The following METTL5 variants were observed in gnomAD, a reference collection of about 807,000 sequenced individuals.
The protein encoded by METTL5 is rRNA N(6)-adenosine-methyltransferase METTL5.
In METTL5, 28 loss-of-function variants were observed where a neutral mutation model predicts 26.5. The ratio of observed to expected loss-of-function variants is 1.06; its 90% CI spans 0.78 to 1.45. METTL5 has a LOEUF of 1.45. METTL5 is among the 40% of genes most tolerant of loss of function. The probability of loss-of-function intolerance (pLI) is 0.00; values close to 1 mark genes in which losing one functional copy is unlikely to be tolerated. For synonymous variants in METTL5, 86 were observed against 82.6 expected, an observed-to-expected ratio of 1.04 and a Z score of -0.22; for missense variants, 231 against 249.9, an observed-to-expected ratio of 0.92 and a Z score of 0.51.
chr2:169,822,645 G>A (rs2105723812), intron 1 of METTL5, among the ~76,000 whole-genome samples: 1 of 150,986 alleles, frequency 6.6e-6, no homozygotes, highest in East Asian at 1.9e-4. Flanking sequence ...TGCCCACGCT[G>A]CTCTCGAACT....
intron 5 of METTL5, chr2:169,812,948 T>G (rs1690021722): frequency 6.4e-6 from 1 of 155,176 alleles, no homozygotes; most frequent in Admixed American, 6.5e-5. Flanking sequence ...TATTTCTTCC[T>G]TCTAAAGAAT....
chr2:169,818,507 T>C (rs184121677), intron 4 of METTL5, among the ~76,000 whole-genome samples: 74 of 152,326 alleles, frequency 4.9e-4, no homozygotes, highest in Admixed American at 1.6e-3. Context: ...TTTGCTTTCA[T>C]ATATAGTGAG....
Position 169,811,860 on chromosome 2 carries a change from T to A in METTL5, c.592-2A>T. ...AATTAGGTCCACTTCAATGTCCACCTGTGAGAAAGGAAAAATTTTTTTGTT... is the reference window on the plus strand; with the variant it reads ...AATTAGGTCCACTTCAATGTCCACCAGTGAGAAAGGAAAAATTTTTTTGTT... On this transcript the variant is annotated splice_acceptor_variant, in intron 6 of 6. Transcript: ENST00000260953. LOFTEE classifies it high-confidence loss of function. The A allele has an allele frequency of 6.2e-7, 1 of 1,612,010 alleles. No homozygotes were observed. The highest frequency in any genetic ancestry group is 1.3e-5 in the African/African-American group (1 of 74,962).
At chr2:169,812,205 G>A (rs2105707673) in intron 6 of METTL5, 2 of 606,454 alleles carry the variant, frequency 3.3e-6, no homozygotes, top group South Asian at 2.1e-5. Flanking sequence ...AGGAAAGTTG[G>A]TAACACTAGA....
rs370028480 is a variant in METTL5, at chr2:169,822,095, G to A, written c.110-38C>T. ...AAAAAAAAGAATAAGTAAGCAAGCC[G>A]GTGACTAAAATCTAATTTGTGCAAA... On this transcript the variant is annotated intron_variant, in intron 1 of 6. Coordinates refer to ENST00000260953, the MANE Select transcript of METTL5 (RefSeq NM_014168.4). 7.6e-6 allele frequency: 12 copies of A among 1,571,392 alleles called. No individual in the cohort carries two copies. In the African/African-American group the frequency reaches 8.2e-5, roughly 11 times the overall value.
intron 5 of METTL5, chr2:169,813,156 C>T (rs1021602339): frequency 5.5e-5 from 8 of 145,022 alleles, no homozygotes; most frequent in Non-Finnish European, 1.0e-4. Flanking sequence ...AAGACGGAGT[C>T]TCGCTCTGTT....
In METTL5 at chr2:169,822,684, G is replaced by A. The variant is rs540036636; in HGVS notation, c.110-627C>T. ...GGGCTCAAGTGATCCTCCCGCCCCGGCTTTCCAAAGTGTTGGGATTACAGA... is the reference window on the plus strand; with the variant it reads ...GGGCTCAAGTGATCCTCCCGCCCCGACTTTCCAAAGTGTTGGGATTACAGA... On this transcript the variant is annotated intron_variant, in intron 1 of 6. Transcript: ENST00000260953. 1.5e-4 allele frequency among the ~76,000 whole-genome samples: 23 copies of A among 151,834 alleles called. No homozygotes were observed. In the South Asian group the frequency reaches 2.1e-3, roughly 14 times the overall value.
At position 169,824,274 on chromosome 2, in the gene METTL5, A is replaced by G. The variant is rs2081622608; in HGVS notation, c.109+215T>C. 7.8e-6 allele frequency: 4 copies of G among 514,366 alleles called. 1 individual carries two copies. Among genetic ancestry groups the G allele is most frequent in the Middle Eastern group, 5.5e-4 (1 of 1,832 alleles). The allele number at this position is 514,366 out of a possible 1,614,324, so 31.9% of individuals were successfully genotyped here. Reference sequence around the variant, plus strand: ...AAAAGATGTCTGGCAGTGTTAAGGGATATGCAGAAAACTAGACAGTAAAAT... The same window carrying G: ...AAAAGATGTCTGGCAGTGTTAAGGGGTATGCAGAAAACTAGACAGTAAAAT... On this transcript the variant is annotated intron_variant, in intron 1 of 6. Coordinates refer to ENST00000260953, the MANE Select transcript of METTL5 (RefSeq NM_014168.4).
chr2:169,815,373 C>T, intron 5 of METTL5, 104 bp downstream of exon 5: 1 of 736,710 alleles, frequency 1.4e-6, no homozygotes, highest in Non-Finnish European at 2.3e-6. Context: ...GCACATTTTG[C>T]CACACTGTAA....
intron 2 of METTL5, 135 bp from the exon 3 acceptor site, chr2:169,821,408 C>CTT (rs370579426): frequency 7.3e-4 from 381 of 521,216 alleles, no homozygotes; most frequent in Middle Eastern, 1.9e-3. Context: ...GTGTTTTCTT[C>CTT]TTTTTTTTTT....
intron 5 of METTL5, 32 bp downstream of exon 5, chr2:169,815,445 C>G (rs1230845810): frequency 1.3e-6 from 2 of 1,531,172 alleles, no homozygotes; most frequent in East Asian, 4.5e-5. Context: ...CATGTTGGCC[C>G]TTTTGGATAT....
At chr2:169,812,150 C>G (rs1047399896) in intron 6 of METTL5, 1 of 553,026 alleles carries the variant, frequency 1.8e-6, no homozygotes, top group Non-Finnish European at 3.1e-6. Flanking sequence ...GCCTTTCCCA[C>G]AGGCCATTTA....
intron 5 of METTL5, 84 bp downstream of exon 5, chr2:169,815,393 T>G (rs2081491565): frequency 1.1e-6 from 1 of 918,778 alleles, no homozygotes; most frequent in East Asian, 2.5e-5. Context: ...AAGCATAGTT[T>G]ATCTTCTCAG....
At position 169,821,217 on chromosome 2, in the gene METTL5, G is replaced by A. The variant is rs1490456362; in HGVS notation, c.281C>T (p.Ala94Val). 6.2e-7 allele frequency: 1 copy of A among 1,612,046 alleles called. No individual in the cohort carries two copies. Among genetic ancestry groups the A allele is most frequent in the Non-Finnish European group, 8.5e-7 (1 of 1,179,142 alleles). The change falls in exon 3 of 7, where the codon GCA (alanine) becomes GTA (valine). Residue 94 changes from alanine to valine, a missense_variant. Coordinates refer to ENST00000260953, the MANE Select transcript of METTL5 (RefSeq NM_014168.4). ...EDALEIFNRNAEEFELTNIDM... is the reference protein window; with the variant it reads ...EDALEIFNRNVEEFELTNIDM... ...AATATTTGTTAACTCAAACTCTTCT[G>A]CATTCCTATTAAATATTTCCAATGC...
At chr2:169,812,683 G>T in intron 5 of METTL5, 177 bp from the exon 6 acceptor site, 1 of 621,850 alleles carries the variant, frequency 1.6e-6, no homozygotes, top group Non-Finnish European at 2.6e-6. Context: ...AGCCATGGCA[G>T]CTTGGCATTT....
chr2:169,817,203 T>C (rs1194814281), intron 4 of METTL5, among the ~76,000 whole-genome samples: 1 of 152,190 alleles, frequency 6.6e-6, no homozygotes, highest in Non-Finnish European at 1.5e-5. Context: ...TCAGTGGTCA[T>C]CAGAGAAATG....
intron 2 of METTL5, 53 bp downstream of exon 2, chr2:169,821,890 T>C: frequency 6.7e-7 from 1 of 1,497,146 alleles, no homozygotes; most frequent in South Asian, 1.1e-5. Flanking sequence ...ATCCCATTGA[T>C]GCTCCTTATT....
At chr2:169,815,974 G>C (rs7589845) in intron 4 of METTL5, among the ~76,000 whole-genome samples, 1 of 151,932 alleles carries the variant, frequency 6.6e-6, no homozygotes, top group Admixed American at 6.6e-5. Context: ...TACAGTAATA[G>C]GTTGACAGGT....
chr2:169,817,760 T>A (rs1417626652), intron 4 of METTL5, among the ~76,000 whole-genome samples: 27 of 82,112 alleles, frequency 3.3e-4, no homozygotes, highest in African/African-American at 1.3e-3. Context: ...CACGGGGGCC[T>A]GTTGGGGGGT....
Sources: gnomAD v4.1 joint callset for allele counts (sites outside exome capture counted in the v4.1 genomes callset) on GRCh38, gnomAD v4.1.1 for gene constraint, MANE v1.5 for transcripts, NCBI Gene and HGNC (gene_info 2026-07-23, HGNC 2026-07-21) for gene names.